The following GRIN3A variants were observed in gnomAD, a reference collection of about 807,000 sequenced individuals.
GRIN3A encodes glutamate receptor ionotropic, NMDA 3A.
Under a neutral mutation model 92.4 loss-of-function variants are expected in GRIN3A, and 47 were observed. The observed-to-expected ratio is 0.51, with a 90% confidence interval of 0.40 to 0.65. The LOEUF (loss-of-function observed/expected upper bound fraction) is 0.65. Ranked by LOEUF, GRIN3A falls within the 30% of genes least tolerant of loss-of-function variation. The pLI is 0.00. For synonymous variants in GRIN3A, 527 were observed against 540.6 expected (o/e 0.97, Z 0.35); for missense variants, 1,324 against 1,393.1 (o/e 0.95, Z 0.79).
At chr9:101,636,618 A>T (rs1255298333) in intron 3 of GRIN3A, among the ~76,000 whole-genome samples, 1 of 152,128 alleles carries the variant, frequency 6.6e-6, no homozygotes, top group Non-Finnish European at 1.5e-5. Flanking sequence ...ATTATTCTAA[A>T]TTTTTCTCTA....
chr9:101,635,412 C>A (rs1175881091), intron 3 of GRIN3A, among the ~76,000 whole-genome samples: 1 of 152,106 alleles, frequency 6.6e-6, no homozygotes, highest in Non-Finnish European at 1.5e-5. Flanking sequence ...AAACATATGG[C>A]CCACAAAACC....
intron 6 of GRIN3A, among the ~76,000 whole-genome samples, chr9:101,583,449 GTGCT>G (rs1827914587): frequency 6.6e-6 from 1 of 152,154 alleles, no homozygotes; most frequent in African/African-American, 2.4e-5. Context: ...TTGTTTAAAT[GTGCT>G]GTGCATATGT....
chr9:101,585,434 T>C lies in GRIN3A; in HGVS notation c.2767-6074A>G, dbSNP rs553316152. On this transcript the variant is annotated intron_variant, in intron 6 of 8. Transcript: ENST00000361820. ...GAGTTGGGGGCTTTTCTGTCCTAAC[T>C]TCCTACTCTGCCTCTTTACTTAGGT... 5.3e-5 allele frequency among the ~76,000 whole-genome samples: 8 copies of C among 152,234 alleles called. No homozygotes were observed. In the East Asian group the frequency reaches 1.5e-3, roughly 29 times the overall value.
At chr9:101,642,736 G>T (rs981781122) in intron 3 of GRIN3A, among the ~76,000 whole-genome samples, 1 of 152,098 alleles carries the variant, frequency 6.6e-6, no homozygotes, top group African/African-American at 2.4e-5. Context: ...CCTGCTGTCA[G>T]ATCAGCAGCA....
At chr9:101,613,072 A>T (rs1394743746) in intron 6 of GRIN3A, among the ~76,000 whole-genome samples, 4 of 152,240 alleles carry the variant, frequency 2.6e-5, no homozygotes, top group African/African-American at 9.6e-5. Flanking sequence ...AATCTCAGAT[A>T]CTATTGCTGT....
At chr9:101,592,806 A>G (rs1218468753) in intron 6 of GRIN3A, 1 of 151,738 alleles carries the variant, frequency 6.6e-6, no homozygotes, top group Non-Finnish European at 1.5e-5. Flanking sequence ...CTTCTTCCAA[A>G]TAAAATAGCA....
intron 6 of GRIN3A, among the ~76,000 whole-genome samples, chr9:101,589,576 G>C (rs114015224): frequency 8.2e-4 from 125 of 152,202 alleles, no homozygotes; most frequent in African/African-American, 3.0e-3. Context: ...ATCATATAAT[G>C]ACTTTTTTGC....
At chr9:101,658,152 A>G (rs1455171400) in intron 3 of GRIN3A, among the ~76,000 whole-genome samples, 1 of 151,990 alleles carries the variant, frequency 6.6e-6, no homozygotes, top group Admixed American at 6.6e-5. Context: ...ACCTTTTATT[A>G]GCTATATGGC....
intron 3 of GRIN3A, 114 bp downstream of exon 3, chr9:101,669,946 G>T: frequency 1.2e-6 from 1 of 804,696 alleles, no homozygotes; most frequent in Non-Finnish European, 2.1e-6. Context: ...TCTATACTTG[G>T]CTGAGAGAAT....
intron 6 of GRIN3A, among the ~76,000 whole-genome samples, chr9:101,610,788 A>G (rs550044120): frequency 6.6e-6 from 1 of 152,242 alleles, no homozygotes; most frequent in South Asian, 2.1e-4. Flanking sequence ...GTATTTGAGG[A>G]AGAGGCTGGC....
chr9:101,619,962 C>T (rs1828526898), intron 5 of GRIN3A, among the ~76,000 whole-genome samples: 1 of 152,176 alleles, frequency 6.6e-6, no homozygotes, highest in African/African-American at 2.4e-5. Context: ...TTTTGGTTTG[C>T]TTTGCTATAT....
chr9:101,606,906 ATTTTTTTTTTTTT>A (rs536780165), intron 6 of GRIN3A, among the ~76,000 whole-genome samples: 1 of 86,202 alleles, frequency 1.2e-5, no homozygotes, highest in Non-Finnish European at 2.2e-5. Context: ...AAAAAATTAC[ATTTTTTTTTTTTT>A]TTTTTTTTTT....
intron 1 of GRIN3A, among the ~76,000 whole-genome samples, chr9:101,708,340 G>A (rs930787901): frequency 8.5e-5 from 13 of 152,132 alleles, no homozygotes; most frequent in South Asian, 4.1e-4. Flanking sequence ...GGAATTATAC[G>A]TCTTTTATGT....
At chr9:101,635,318 G>A (rs116080520) in intron 3 of GRIN3A, among the ~76,000 whole-genome samples, 2,029 of 152,246 alleles carry the variant, frequency 0.013, 35 homozygotes, top group African/African-American at 0.045. Flanking sequence ...CAAGTTTTAT[G>A]GGAACACAGC....
chr9:101,735,502 G>A (rs190546646), intron 1 of GRIN3A, among the ~76,000 whole-genome samples: 80 of 151,684 alleles, frequency 5.3e-4, no homozygotes, highest in African/African-American at 1.8e-3. Context: ...GCACACATCC[G>A]TTCTAGAACA....
chr9:101,647,561 G>A (rs1460555934), intron 3 of GRIN3A, among the ~76,000 whole-genome samples: 1 of 151,908 alleles, frequency 6.6e-6, no homozygotes, highest in African/African-American at 2.4e-5. Flanking sequence ...AAAATAGTTT[G>A]AGTAGAATTG....
chr9:101,708,052 C>G (rs899356133), intron 1 of GRIN3A, among the ~76,000 whole-genome samples: 1 of 152,076 alleles, frequency 6.6e-6, no homozygotes. Flanking sequence ...TCTATGGAAG[C>G]ACCACATATG....
At chr9:101,606,906 A>ATTTTTTTTTTTT (rs536780165) in intron 6 of GRIN3A, among the ~76,000 whole-genome samples, 4 of 86,212 alleles carry the variant, frequency 4.6e-5, no homozygotes, top group South Asian at 4.6e-4. Context: ...AAAAAATTAC[A>ATTTTTTTTTTTT]TTTTTTTTTT....
At chr9:101,652,201 G>T (rs1049743929) in intron 3 of GRIN3A, among the ~76,000 whole-genome samples, 3 of 151,926 alleles carry the variant, frequency 2.0e-5, no homozygotes, top group African/African-American at 7.2e-5. Flanking sequence ...CTTTCCCAGG[G>T]TCACAAAACC....
Sources: gnomAD v4.1 joint callset for allele counts (sites outside exome capture counted in the v4.1 genomes callset) on GRCh38, gnomAD v4.1.1 for gene constraint, MANE v1.5 for transcripts, NCBI Gene and HGNC (gene_info 2026-07-23, HGNC 2026-07-21) for gene names.